The following SPECC1L variants were observed in gnomAD, a reference collection of about 807,000 sequenced individuals.
The protein encoded by SPECC1L is sperm antigen with calponin homology and coiled-coil domains 1 like.
SPECC1L carries 40 observed loss-of-function variants against 116.8 expected under a neutral mutation model. The observed-to-expected ratio is 0.34, with a 90% CI of 0.27 to 0.45. The LOEUF (loss-of-function observed/expected upper bound fraction) is 0.45, where lower values mean the gene tolerates loss of function less well. Ranked by LOEUF, SPECC1L falls within the 20% of genes least tolerant of loss-of-function variation. The probability of loss-of-function intolerance (pLI) is 1.00; values close to 1 mark genes in which losing one functional copy is unlikely to be tolerated. For missense variants in SPECC1L, 1,110 were observed against 1,373.6 expected (o/e 0.81, Z 3.03); for synonymous variants, 504 against 500.6 (o/e 1.01, Z -0.09).
At chr22:24,382,798 A>G (rs764385715) in intron 14 of SPECC1L, among the ~76,000 whole-genome samples, 4 of 150,622 alleles carry the variant, frequency 2.7e-5, no homozygotes, top group Non-Finnish European at 4.4e-5. Context: ...AGGCAGGAGG[A>G]TTGCTTGAGC....
rs369789845 is a variant in SPECC1L at position 24,408,042 on chromosome 22, C to T, written c.3088-3546C>T. 7.9e-5 allele frequency among the ~76,000 whole-genome samples: 12 copies of T among 152,308 alleles called. No homozygotes were observed. The East Asian group carries it at 2.3e-3, about 29-fold the overall frequency. Reference sequence around the variant, plus strand: ...TGTCTTGGCCTCTCGGAGCCTCACCCTCCTTCCAGACTGCTGCGGGTGGCT... The same window carrying T: ...TGTCTTGGCCTCTCGGAGCCTCACCTTCCTTCCAGACTGCTGCGGGTGGCT... On this transcript the variant is annotated intron_variant, in intron 14 of 16. Transcript: ENST00000314328.
At chr22:24,339,087 G>A (rs1260534859) in intron 10 of SPECC1L, among the ~76,000 whole-genome samples, 1 of 152,186 alleles carries the variant, frequency 6.6e-6, no homozygotes, top group African/African-American at 2.4e-5. Flanking sequence ...GCTTTCCTGG[G>A]CTCATTCCTG....
intron 14 of SPECC1L, among the ~76,000 whole-genome samples, chr22:24,406,094 C>T (rs1002535366): frequency 6.6e-6 from 1 of 152,136 alleles, no homozygotes; most frequent in Non-Finnish European, 1.5e-5. Context: ...TGATTTTAGC[C>T]CTCCTGGGAA....
intron 2 of SPECC1L, among the ~76,000 whole-genome samples, chr22:24,281,767 TTTTA>T (rs543800382): frequency 6.4e-4 from 97 of 152,342 alleles, no homozygotes; most frequent in African/African-American, 2.2e-3. Context: ...TCTGAATGCC[TTTTA>T]TTTGTTTTTC....
chr22:24,375,692 T>C (rs12157350), intron 14 of SPECC1L, among the ~76,000 whole-genome samples: 188 of 152,346 alleles, frequency 1.2e-3, no homozygotes, highest in African/African-American at 4.1e-3. Context: ...CAGTGGCTTA[T>C]GCCTGTAATC....
At chr22:24,384,828 G>A (rs2042129386) in intron 14 of SPECC1L, among the ~76,000 whole-genome samples, 1 of 152,150 alleles carries the variant, frequency 6.6e-6, no homozygotes, top group Non-Finnish European at 1.5e-5. Context: ...TGTAATCCCA[G>A]CACTTTGGGA....
At chr22:24,367,004 G>A (rs2041781427) in intron 13 of SPECC1L, among the ~76,000 whole-genome samples, 1 of 152,130 alleles carries the variant, frequency 6.6e-6, no homozygotes, top group African/African-American at 2.4e-5. Context: ...GATCAGCCTG[G>A]CCAACATGGT....
At chr22:24,317,116 C>T (rs1341475146) in intron 4 of SPECC1L, among the ~76,000 whole-genome samples, 2 of 109,284 alleles carry the variant, frequency 1.8e-5, no homozygotes, top group Non-Finnish European at 3.9e-5. Flanking sequence ...CTGGACGGGG[C>T]GGCTGGCTGG....
intron 14 of SPECC1L, among the ~76,000 whole-genome samples, chr22:24,384,317 T>A (rs1388868797): frequency 2.0e-5 from 3 of 152,148 alleles, no homozygotes; most frequent in Non-Finnish European, 4.4e-5. Flanking sequence ...GAAAGAGGAT[T>A]TGTCACCAGC....
At chr22:24,341,024 T>G (rs2146540212) in intron 10 of SPECC1L, among the ~76,000 whole-genome samples, 1 of 152,336 alleles carries the variant, frequency 6.6e-6, no homozygotes, top group African/African-American at 2.4e-5. Flanking sequence ...TAAGTCCTAC[T>G]GTGGCCCACA....
intron 14 of SPECC1L, among the ~76,000 whole-genome samples, chr22:24,376,340 C>CT (rs1255792011): frequency 2.6e-5 from 4 of 152,070 alleles, no homozygotes; most frequent in Admixed American, 2.6e-4. Context: ...TCTAGAAAAC[C>CT]TTTAAGAATT....
intron 3 of SPECC1L, 60 bp from the exon 4 acceptor site, chr22:24,313,253 C>G (rs1601536471): frequency 1.3e-6 from 2 of 1,582,272 alleles, no homozygotes; most frequent in South Asian, 1.1e-5. Flanking sequence ...TTTGTTGAGT[C>G]TCAAAATATC....
intron 14 of SPECC1L, among the ~76,000 whole-genome samples, chr22:24,406,221 G>A (rs1166832381): frequency 6.6e-6 from 1 of 152,194 alleles, no homozygotes; most frequent in African/African-American, 2.4e-5. Context: ...CAGAGCACCA[G>A]GCTGCTCCCA....
At chr22:24,397,965 G>A (rs1264019798) in intron 14 of SPECC1L, among the ~76,000 whole-genome samples, 3 of 152,250 alleles carry the variant, frequency 2.0e-5, no homozygotes, top group African/African-American at 7.2e-5. Context: ...AGTCATGTAA[G>A]TGCAGTACAT....
intron 14 of SPECC1L, among the ~76,000 whole-genome samples, chr22:24,391,171 G>C (rs1038168058): frequency 2.0e-5 from 3 of 151,830 alleles, no homozygotes; most frequent in Non-Finnish European, 2.9e-5. Flanking sequence ...CACTGCGCCC[G>C]GCCGGGCCTG....
intron 14 of SPECC1L, among the ~76,000 whole-genome samples, chr22:24,378,486 A>G (rs1295290710): frequency 1.3e-5 from 2 of 152,260 alleles, no homozygotes; most frequent in Non-Finnish European, 2.9e-5. Context: ...CAACTTGGCT[A>G]ACTGGCACAA....
At chr22:24,400,237 TCTC>T (rs1479623769) in intron 14 of SPECC1L, among the ~76,000 whole-genome samples, 2 of 152,228 alleles carry the variant, frequency 1.3e-5, no homozygotes, top group Non-Finnish European at 2.9e-5. Context: ...GTCAGCTCCT[TCTC>T]CTCCCTAGCA....
intron 8 of SPECC1L, among the ~76,000 whole-genome samples, chr22:24,333,119 T>C (rs1244458599): frequency 1.3e-5 from 2 of 152,070 alleles, no homozygotes; most frequent in African/African-American, 2.4e-5. Flanking sequence ...TCCCAGCTAC[T>C]CGGGAGACTG....
intron 14 of SPECC1L, among the ~76,000 whole-genome samples, chr22:24,401,532 A>G (rs1175423035): frequency 6.6e-6 from 1 of 152,146 alleles, no homozygotes; most frequent in Non-Finnish European, 1.5e-5. Flanking sequence ...TTACAGAGAA[A>G]CCCCTTTGTC....
Sources: allele counts gnomAD v4.1 joint callset (sites outside exome capture counted in the v4.1 genomes callset), GRCh38; gene constraint gnomAD v4.1.1; transcripts MANE v1.5; gene names NCBI Gene and HGNC (gene_info 2026-07-23, HGNC 2026-07-21).